The following EIPR1 variants were observed in gnomAD, a reference collection of about 807,000 sequenced individuals.
EIPR1 encodes EARP complex and GARP complex interacting protein 1, also known as EARP and GARP complex-interacting protein 1.
In EIPR1, 25 loss-of-function variants were observed where a neutral mutation model predicts 48.1. That is an observed-to-expected ratio of 0.52 (90% CI 0.38 to 0.73). The LOEUF is 0.73. EIPR1 is among the 30% of genes least tolerant of loss of function. The pLI is 0.00. For missense variants in EIPR1, 415 were observed against 506.2 expected, an observed-to-expected ratio of 0.82 and a Z score of 1.73; for synonymous variants, 204 against 201.9, an observed-to-expected ratio of 1.01 and a Z score of -0.09.
At chr2:3,266,892 G>A (rs1233829328) in intron 3 of EIPR1, among the ~76,000 whole-genome samples, 4 of 152,258 alleles carry the variant, frequency 2.6e-5, no homozygotes, top group Non-Finnish European at 5.9e-5. Context: ...CCACCGTGCA[G>A]AGGCGTGGCC....
chr2:3,318,312 G>A (rs1489545030), intron 3 of EIPR1, among the ~76,000 whole-genome samples: 1 of 152,200 alleles, frequency 6.6e-6, no homozygotes, highest in Non-Finnish European at 1.5e-5. Context: ...TGGAGGAAGG[G>A]CCATAAACAA....
intron 4 of EIPR1, among the ~76,000 whole-genome samples, chr2:3,240,316 C>T (rs1666564293): frequency 6.9e-6 from 1 of 145,932 alleles, no homozygotes; most frequent in Non-Finnish European, 1.5e-5. Flanking sequence ...CAGGTCCCTC[C>T]TAAAGCAAAG....
chr2:3,225,473 T>G (rs1666034555), intron 4 of EIPR1, among the ~76,000 whole-genome samples: 1 of 152,186 alleles, frequency 6.6e-6, no homozygotes, highest in African/African-American at 2.4e-5. Flanking sequence ...CTCGAACTCC[T>G]GGGCTCAAGC....
At chr2:3,288,137 AG>A (rs1482465100) in intron 3 of EIPR1, among the ~76,000 whole-genome samples, 5 of 152,202 alleles carry the variant, frequency 3.3e-5, no homozygotes, top group Non-Finnish European at 5.9e-5. Flanking sequence ...CGGGTGGGGC[AG>A]GGCCACAGTC....
chr2:3,226,725 A>G (rs1269582430), intron 4 of EIPR1, among the ~76,000 whole-genome samples: 3 of 152,188 alleles, frequency 2.0e-5, no homozygotes, highest in Non-Finnish European at 4.4e-5. Context: ...TTCTCACCCA[A>G]ATCTCATGTC....
chr2:3,235,130 G>A (rs941073321), intron 4 of EIPR1, among the ~76,000 whole-genome samples: 2 of 152,218 alleles, frequency 1.3e-5, no homozygotes, highest in Non-Finnish European at 2.9e-5. Context: ...TCTGGAAGAT[G>A]CAAATTGAAA....
intron 4 of EIPR1, among the ~76,000 whole-genome samples, chr2:3,235,462 A>ACACACACC (rs34325654): frequency 1.3e-5 from 2 of 151,536 alleles, no homozygotes; most frequent in Admixed American, 6.6e-5. Flanking sequence ...ACACACACAC[A>ACACACACC]CCCCCCAATA....
In EIPR1 at chr2:3,312,556, A is replaced by C. The variant is rs1025911074; in HGVS notation, c.259+25461T>G. On this transcript the variant is annotated intron_variant, in intron 3 of 8. Coordinates refer to ENST00000382125, the MANE Select transcript of EIPR1 (RefSeq NM_003310.5). The surrounding 1 kb of genome is among the most constrained non-coding windows in gnomAD (Gnocchi z 5.5). ...CCCTCCCACCACTCAGCACCTGCTC[A>C]TCATTGTCAGCATGTTTCTGGTCTC... is the stretch of plus-strand genomic sequence containing the variant. 6.6e-6 allele frequency among the ~76,000 whole-genome samples: 1 copy of C among 152,218 alleles called. No individual in the cohort carries two copies. Among genetic ancestry groups the C allele is most frequent in the African/African-American group, 2.4e-5 (1 of 41,456 alleles).
At chr2:3,202,113 A>G (rs1665061119) in intron 5 of EIPR1, among the ~76,000 whole-genome samples, 1 of 151,814 alleles carries the variant, frequency 6.6e-6, no homozygotes, top group Admixed American at 6.6e-5. Context: ...AATTTTTTGT[A>G]TTTTTAGTAG....
intron 5 of EIPR1, among the ~76,000 whole-genome samples, chr2:3,202,100 G>C (rs529327820): frequency 1.3e-5 from 2 of 152,184 alleles, no homozygotes; most frequent in South Asian, 4.2e-4. Context: ...ACCACGCCCG[G>C]CTAATTTTTT....
intron 5 of EIPR1, chr2:3,207,960 A>G (rs1370839294): frequency 6.5e-6 from 1 of 153,016 alleles, no homozygotes; most frequent in East Asian, 1.9e-4. Context: ...TTTCTTAAAG[A>G]TAATGGCTTT....
chr2:3,348,972 C>T (rs559849989), intron 2 of EIPR1, among the ~76,000 whole-genome samples: 2 of 152,288 alleles, frequency 1.3e-5, no homozygotes, highest in African/African-American at 4.8e-5. Flanking sequence ...TGCTCGCAGC[C>T]GGAACCATGG....
chr2:3,204,423 T>G (rs925607263), intron 5 of EIPR1, among the ~76,000 whole-genome samples: 2 of 152,168 alleles, frequency 1.3e-5, no homozygotes, highest in Non-Finnish European at 2.9e-5. Context: ...GACGGTGCAG[T>G]GTAAGTTGTA....
chr2:3,255,304 G>C (rs1374092974), intron 4 of EIPR1, among the ~76,000 whole-genome samples: 1 of 151,664 alleles, frequency 6.6e-6, no homozygotes, highest in African/African-American at 2.4e-5. Context: ...TGCCTCAGCT[G>C]CCCAAATAGC....
intron 3 of EIPR1, among the ~76,000 whole-genome samples, chr2:3,292,381 C>T (rs1365518934): frequency 6.6e-6 from 1 of 152,202 alleles, no homozygotes; most frequent in South Asian, 2.1e-4. Context: ...GGGACAGCCC[C>T]CCACACCTCA....
intron 4 of EIPR1, among the ~76,000 whole-genome samples, chr2:3,218,870 G>T (rs1420306286): frequency 1.1e-5 from 1 of 95,090 alleles, no homozygotes; most frequent in Non-Finnish European, 2.1e-5. Context: ...GCCCTGATAC[G>T]CTCTAGAGCT....
chr2:3,353,305 T>C (rs570775901), intron 2 of EIPR1: 90 of 471,178 alleles, frequency 1.9e-4, no homozygotes, highest in African/African-American at 1.7e-3. Flanking sequence ...TTTTGGCCTA[T>C]TTCCTTCCAG....
chr2:3,269,593 G>A (rs113901219), intron 3 of EIPR1, among the ~76,000 whole-genome samples: 1,782 of 45,232 alleles, frequency 0.039, 183 homozygotes, highest in African/African-American at 0.11. Context: ...CTCAATCATC[G>A]CACTCAATCG....
intron 3 of EIPR1, among the ~76,000 whole-genome samples, chr2:3,293,793 C>T (rs928510097): frequency 6.6e-6 from 1 of 152,212 alleles, no homozygotes; most frequent in Non-Finnish European, 1.5e-5. Context: ...ATGATCAAGT[C>T]ATCTTCAACT....
Sources: allele counts gnomAD v4.1 joint callset (sites outside exome capture counted in the v4.1 genomes callset), GRCh38; gene constraint gnomAD v4.1.1; non-coding constraint Gnocchi (gnomAD v3.1); transcripts MANE v1.5; gene names NCBI Gene and HGNC (gene_info 2026-07-23, HGNC 2026-07-21).